The following RAD51B variants were observed in gnomAD, a reference collection of about 807,000 sequenced individuals.
The protein encoded by RAD51B is DNA repair protein RAD51 homolog 2.
Under a neutral mutation model 42.2 loss-of-function variants are expected in RAD51B, and 38 were observed. The observed-to-expected ratio is 0.90, with a 90% CI of 0.70 to 1.18. RAD51B has a LOEUF of 1.18. Among genes scored for constraint, RAD51B ranks in the 50% most tolerant of loss-of-function variants. The probability of loss-of-function intolerance (pLI) is 0.00; values close to 1 mark genes in which losing one functional copy is unlikely to be tolerated. For synonymous variants in RAD51B, 154 were observed against 145.2 expected (o/e 1.06, Z -0.43); for missense variants, 373 against 400.7 (o/e 0.93, Z 0.59).
intron 7 of RAD51B, among the ~76,000 whole-genome samples, chr14:67,993,668 T>C (rs1468351941): frequency 6.7e-6 from 1 of 150,364 alleles, no homozygotes; most frequent in South Asian, 2.1e-4. Context: ...AGTGCAGATA[T>C]CTCTTTGATT....
chr14:68,627,086 T>G (rs1478330594), intron 10 of RAD51B: 1 of 152,222 alleles, frequency 6.6e-6, no homozygotes, highest in Admixed American at 6.5e-5. Context: ...GGAGTCAGAA[T>G]GCGGAAGAGA....
intron 7 of RAD51B, among the ~76,000 whole-genome samples, chr14:68,039,721 T>G (rs1212311632): frequency 6.6e-6 from 1 of 152,352 alleles, no homozygotes; most frequent in East Asian, 1.9e-4. Context: ...AGGAAGCCTT[T>G]TATAGTTCTC....
chr14:68,580,201 C>A (rs1485993622), intron 10 of RAD51B, among the ~76,000 whole-genome samples: 5 of 152,222 alleles, frequency 3.3e-5, no homozygotes, highest in Non-Finnish European at 7.3e-5. Flanking sequence ...TATTTTCTCT[C>A]CTCCATGTTC....
At chr14:67,942,650 G>A (rs2045247751) in intron 7 of RAD51B, among the ~76,000 whole-genome samples, 1 of 152,226 alleles carries the variant, frequency 6.6e-6, no homozygotes, top group African/African-American at 2.4e-5. Flanking sequence ...TTTACGTGAA[G>A]TAGCAGGAGT....
chr14:68,063,434 G>A lies in RAD51B; in HGVS notation c.756+176230G>A, dbSNP rs1017149484. Among the ~76,000 whole-genome samples the A allele has an allele frequency of 3.9e-5, 6 of 151,950 alleles. 1 individual carries two copies. The highest frequency in any genetic ancestry group is 2.6e-4 in the Admixed American group (4 of 15,266). ...AGTGAGTGAATTTTTGGGAGATCTG[G>A]TCATTTAAAAGTGTATGGGGGCTGG... On this transcript the variant is annotated intron_variant, in intron 7 of 10. Transcript: ENST00000471583.
intron 7 of RAD51B, among the ~76,000 whole-genome samples, chr14:68,073,003 T>C (rs769863346): frequency 3.2e-4 from 48 of 152,204 alleles, no homozygotes; most frequent in Non-Finnish European, 5.1e-4. Context: ...AGGATGTATA[T>C]GCTGTTTTTG....
intron 9 of RAD51B, among the ~76,000 whole-genome samples, chr14:68,428,120 T>C (rs572731873): frequency 5.0e-4 from 76 of 152,332 alleles, no homozygotes; most frequent in South Asian, 4.6e-3. Context: ...TCTTGGACTT[T>C]CCAGCATACA....
In RAD51B at chr14:68,260,298, C is replaced by CGTGTGT. The variant is rs71281749; in HGVS notation, c.757-31570_757-31565dup. Among the ~76,000 whole-genome samples, 231 of 96,654 alleles carry CGTGTGT rather than the reference C, an allele frequency of 2.4e-3. 13 individuals are homozygous for CGTGTGT. In the East Asian group the frequency reaches 0.04, roughly 17 times the overall value. The allele number at this position is 96,654 out of a possible 152,430, so 63.4% of individuals were successfully genotyped here. A position where few individuals can be genotyped will look rare whatever the true frequency, so the allele number is the denominator to read the frequency against. ...AAGAGGGCCAGTGTGGCTGAGAGAC[C>CGTGTGT]GTGTGTGTGTGTGTGTGTGTGGAGA... On this transcript the variant is annotated intron_variant, in intron 7 of 10. Coordinates refer to ENST00000471583, the MANE Select transcript of RAD51B (RefSeq NM_133510.4).
intron 7 of RAD51B, among the ~76,000 whole-genome samples, chr14:68,067,639 G>A (rs2076675253): frequency 6.6e-6 from 1 of 152,042 alleles, no homozygotes; most frequent in South Asian, 2.1e-4. Context: ...CAGTATGGAA[G>A]ATAAAAGGTA....
chr14:68,093,111 A>G (rs2140523832), intron 7 of RAD51B, among the ~76,000 whole-genome samples: 1 of 149,718 alleles, frequency 6.7e-6, no homozygotes, highest in Non-Finnish European at 1.5e-5. Context: ...CCAGTATTTT[A>G]TTGAGGATTT....
At position 68,663,483 on chromosome 14, in the gene RAD51B, C is replaced by T. The variant is rs576895530; in HGVS notation, c.*11+12627C>T. On this transcript the variant is annotated intron_variant, in intron 11 of 11. Transcript: ENST00000488612. ...CCTCCAGATACTTTCTCTTTCACTT[C>T]GCCCCCTTTACCCTTCAGGCTCCCC... Among the ~76,000 whole-genome samples, 150 of 152,302 alleles carry T rather than the reference C, an allele frequency of 9.8e-4. 1 individual carries two copies. Among genetic ancestry groups the T allele is most frequent in the African/African-American group, 3.1e-3 (130 of 41,552 alleles).
intron 7 of RAD51B, among the ~76,000 whole-genome samples, chr14:68,065,859 T>C (rs1772376860): frequency 6.6e-6 from 1 of 152,146 alleles, no homozygotes; most frequent in African/African-American, 2.4e-5. Flanking sequence ...ATACTATATA[T>C]GATATGGGAA....
intron 11 of RAD51B, among the ~76,000 whole-genome samples, chr14:68,679,713 A>G (rs1893386692): frequency 6.6e-6 from 1 of 152,218 alleles, no homozygotes; most frequent in South Asian, 2.1e-4. Context: ...TTCTGAGGGT[A>G]GTCTCTGGCT....
chr14:68,124,103 A>C (rs982900951), intron 7 of RAD51B, among the ~76,000 whole-genome samples: 3 of 152,160 alleles, frequency 2.0e-5, no homozygotes, highest in African/African-American at 7.2e-5. Flanking sequence ...ATTTTTTAAA[A>C]AAAATTAAAT....
At chr14:67,914,707 T>G (rs1260253871) in intron 7 of RAD51B, among the ~76,000 whole-genome samples, 1 of 152,248 alleles carries the variant, frequency 6.6e-6, no homozygotes, top group Non-Finnish European at 1.5e-5. Flanking sequence ...TTTGTAGACT[T>G]GGTGTTTGTA....
At chr14:68,594,551 C>T (rs1233273666) in exon 11 of RAD51B, 1 of 1,335,964 alleles carries the variant, frequency 7.5e-7, no homozygotes, top group South Asian at 1.2e-5. Context: ...CCACCTCAGC[C>T]TCCTGAGCAG....
rs527704395 is a variant in RAD51B at position 67,885,779 on chromosome 14, A to G, written c.453-90A>G. 13 of 1,485,318 alleles carry G rather than the reference A, an allele frequency of 8.8e-6. No homozygotes were observed. In the African/African-American group the frequency reaches 1.7e-4, roughly 19 times the overall value. The allele number at this position is 1,485,318 out of a possible 1,614,324, so 92.0% of individuals were successfully genotyped here. On this transcript the variant is annotated intron_variant, in intron 5 of 10. Transcript: ENST00000471583. Reference sequence around the variant, plus strand: ...ACCTGCTCTATTGATAAGGCTTAGGAGTTTCTCAAGTAAAATTAATTAGAG... The same window carrying G: ...ACCTGCTCTATTGATAAGGCTTAGGGGTTTCTCAAGTAAAATTAATTAGAG...
intron 7 of RAD51B, among the ~76,000 whole-genome samples, chr14:68,210,034 A>G (rs972475639): frequency 6.7e-6 from 1 of 149,536 alleles, no homozygotes; most frequent in African/African-American, 2.5e-5. Flanking sequence ...ATCTCAGCTC[A>G]CTGCAACCTC....
In RAD51B at chr14:68,563,976, C is replaced by T. The variant is rs534578457; in HGVS notation, c.1037-30509C>T. 7.2e-5 allele frequency: 67 copies of T among 935,326 alleles called. No individual in the cohort carries two copies. In the Middle Eastern group the frequency reaches 2.2e-3, roughly 31 times the overall value. The allele number at this position is 935,326 out of a possible 1,614,324, so 57.9% of individuals were successfully genotyped here. ...TTGGGTGCTCCCCCACACATACACACCCTTTTCATTATGTGCCAAAGATCA... is the reference window on the plus strand; with the variant it reads ...TTGGGTGCTCCCCCACACATACACATCCTTTTCATTATGTGCCAAAGATCA... On this transcript the variant is annotated intron_variant, in intron 10 of 10. Coordinates refer to the RAD51B transcript ENST00000487270.
Sources: allele counts gnomAD v4.1 joint callset (sites outside exome capture counted in the v4.1 genomes callset), GRCh38; gene constraint gnomAD v4.1.1; transcripts MANE v1.5; gene names NCBI Gene and HGNC (gene_info 2026-07-23, HGNC 2026-07-21).